SCLT1: variants seen among roughly 807,000 people sequenced by gnomAD.
SCLT1 encodes the protein sodium channel-associated protein 1.
A neutral mutation model predicts 112.8 loss-of-function variants in SCLT1; 78 were observed. That is an observed-to-expected ratio of 0.69 (90% CI 0.58 to 0.83). The LOEUF (loss-of-function observed/expected upper bound fraction) is 0.83. SCLT1 is among the 40% of genes least tolerant of loss of function. The pLI is 0.00. For synonymous variants in SCLT1, 257 were observed against 254.7 expected, an observed-to-expected ratio of 1.01 and a Z score of -0.09; for missense variants, 747 against 770.4, an observed-to-expected ratio of 0.97 and a Z score of 0.36.
intron 2 of SCLT1, among the ~76,000 whole-genome samples, chr4:129,063,694 A>C (rs1447779509): frequency 6.6e-6 from 1 of 152,192 alleles, no homozygotes; most frequent in Non-Finnish European, 1.5e-5. Context: ...TAGAGTCTGC[A>C]AAGTGGTTAG....
intron 8 of SCLT1, among the ~76,000 whole-genome samples, chr4:128,995,910 A>G (rs1742975285): frequency 6.6e-6 from 1 of 152,114 alleles, no homozygotes; most frequent in Admixed American, 6.5e-5. Context: ...TGAGAAGAGC[A>G]CAGGACCAAT....
chr4:129,040,944 C>A (rs977193453), intron 4 of SCLT1, among the ~76,000 whole-genome samples: 1 of 152,016 alleles, frequency 6.6e-6, no homozygotes. Flanking sequence ...AAGTGATCAA[C>A]CTTTGGCGGT....
chr4:129,055,834 A>C (rs79765529), intron 2 of SCLT1, among the ~76,000 whole-genome samples: 19 of 126,652 alleles, frequency 1.5e-4, no homozygotes, highest in African/African-American at 4.6e-4. Flanking sequence ...AAAAAAAACA[A>C]AAACAAACAA....
At chr4:129,080,936 G>A (rs1249409436) in intron 2 of SCLT1, among the ~76,000 whole-genome samples, 1 of 152,110 alleles carries the variant, frequency 6.6e-6, no homozygotes, top group Non-Finnish European at 1.5e-5. Context: ...ACACCCATGG[G>A]AAGCCATGGG....
chr4:128,930,797 C>T (rs181604511), intron 18 of SCLT1, among the ~76,000 whole-genome samples: 7 of 152,134 alleles, frequency 4.6e-5, no homozygotes, highest in Admixed American at 2.0e-4. Context: ...GGTAAATGTT[C>T]TATCGACAGT....
rs369565845 is a variant in SCLT1, at chr4:129,012,009, G to GT, written c.291-8134dup. ...TTCTGTGTTCTTTGATCTTCTGGAT[G>GT]TTTTTTTGTGTCTGAATCTCCCTCA... On this transcript the variant is annotated intron_variant, in intron 5 of 20. Transcript: ENST00000281142. Among the ~76,000 whole-genome samples, 70 of 152,134 alleles carry GT rather than the reference G, an allele frequency of 4.6e-4. 1 individual carries two copies. Among genetic ancestry groups the GT allele is most frequent in the African/African-American group, 1.6e-3 (67 of 41,482 alleles).
intron 10 of SCLT1, among the ~76,000 whole-genome samples, chr4:128,967,307 G>A (rs1328629068): frequency 6.6e-6 from 1 of 152,194 alleles, no homozygotes; most frequent in Non-Finnish European, 1.5e-5. Context: ...GAATAGTGCT[G>A]TGATGAACAT....
chr4:128,918,421 C>A (rs1339740893), intron 18 of SCLT1, among the ~76,000 whole-genome samples: 1 of 152,104 alleles, frequency 6.6e-6, no homozygotes, highest in Non-Finnish European at 1.5e-5. Context: ...TGCAATCAAC[C>A]AACCTGAGGA....
chr4:128,956,435 A>T (rs1739220043), intron 13 of SCLT1, among the ~76,000 whole-genome samples: 1 of 152,138 alleles, frequency 6.6e-6, no homozygotes, highest in African/African-American at 2.4e-5. Context: ...ATGACAAATT[A>T]AAAAGCCCAG....
chr4:129,010,416 A>G (rs1054046269), intron 5 of SCLT1, among the ~76,000 whole-genome samples: 4 of 152,182 alleles, frequency 2.6e-5, no homozygotes, highest in Admixed American at 1.3e-4. Flanking sequence ...TTCGTTCCAC[A>G]TGAATTTTAA....
chr4:128,884,502 G>A lies in SCLT1; in HGVS notation c.2042C>T (p.Ser681Phe). 6.2e-7 allele frequency: 1 copy of A among 1,604,408 alleles called. No individual in the cohort carries two copies. The highest frequency in any genetic ancestry group is 8.5e-7 in the Non-Finnish European group (1 of 1,172,230). The change falls in exon 21 of 21, where the codon TCC (serine) becomes TTC (phenylalanine). Residue 681 changes from serine (S) to phenylalanine (F), a missense_variant. Physicochemically the swap from Ser to Phe is radical, Grantham distance 155. Coordinates refer to ENST00000281142, the MANE Select transcript of SCLT1 (RefSeq NM_144643.4). ...TTAAATATTTTCCAGATTCATCAGG[G>A]AGGCTGCTTTTCTTCTCTGCACTGT... ...VITVQRRKAA[S>F]LMNLENI
intron 9 of SCLT1, among the ~76,000 whole-genome samples, chr4:128,978,716 T>C (rs1345646537): frequency 1.3e-5 from 2 of 151,900 alleles, no homozygotes; most frequent in African/African-American, 4.8e-5. Flanking sequence ...CATCAAAGAA[T>C]AGGAAGAAGA....
Position 128,997,860 on chromosome 4 carries a change from A to G in SCLT1, c.615+14T>C. 1 of 1,275,718 alleles carries G rather than the reference A, an allele frequency of 7.8e-7. No homozygotes were observed. Among genetic ancestry groups the G allele is most frequent in the South Asian group, 1.5e-5 (1 of 65,692 alleles). 79.0% of individuals were successfully genotyped at this position (1,275,718 alleles called of 1,614,324 possible). A position where few individuals can be genotyped will look rare whatever the true frequency, so the allele number is the denominator to read the frequency against. The stretch of plus-strand genomic sequence containing the variant: ...TAGGGACAATTTCTAGTTTATATAA[A>G]TAAGTATACTTACCACTTCCATGTT... On this transcript the variant is annotated intron_variant, in intron 8 of 20. Coordinates refer to ENST00000281142, the MANE Select transcript of SCLT1 (RefSeq NM_144643.4).
chr4:128,999,561 T>C (rs913484200), intron 7 of SCLT1, 111 bp downstream of exon 7: 1 of 617,250 alleles, frequency 1.6e-6, no homozygotes, highest in Non-Finnish European at 2.7e-6. Context: ...ATAAAGTGAT[T>C]AGAAATTCTA....
In SCLT1 at chr4:128,876,054, C is replaced by T. The variant is rs577709818; in HGVS notation, n.355+453G>A. 2.6e-5 allele frequency among the ~76,000 whole-genome samples: 4 copies of T among 152,238 alleles called. No homozygotes were observed. In the East Asian group the frequency reaches 5.8e-4, roughly 22 times the overall value. ...CCTGAAACAATCTTTTGTACATCCA[C>T]TACATGCAGAAATTAGCATATAGTG... On this transcript the variant is annotated intron_variant and non_coding_transcript_variant, in intron 4 of 7. Transcript: ENST00000503565.
chr4:128,961,982 T>C (rs1204486780), intron 11 of SCLT1, among the ~76,000 whole-genome samples: 2 of 152,228 alleles, frequency 1.3e-5, no homozygotes, highest in African/African-American at 4.8e-5. Context: ...TTTAGTCTTT[T>C]AATGAGAGTG....
At chr4:129,057,409 C>CTT (rs35098310) in intron 2 of SCLT1, among the ~76,000 whole-genome samples, 7 of 132,610 alleles carry the variant, frequency 5.3e-5, no homozygotes, top group African/African-American at 8.4e-5. Flanking sequence ...TAATATTATT[C>CTT]TTTTTTTTTT....
At chr4:129,007,788 T>C (rs2126097153) in intron 5 of SCLT1, among the ~76,000 whole-genome samples, 1 of 152,336 alleles carries the variant, frequency 6.6e-6, no homozygotes, top group East Asian at 1.9e-4. Flanking sequence ...TGTCTTGACT[T>C]TAAAAAAACA....
At chr4:129,046,958 T>C (rs1195152958) in intron 2 of SCLT1, among the ~76,000 whole-genome samples, 1 of 152,152 alleles carries the variant, frequency 6.6e-6, no homozygotes, top group African/African-American at 2.4e-5. Flanking sequence ...ATACCCTCTT[T>C]TGTGAAGTGA....
Sources: gnomAD v4.1 joint callset for allele counts (sites outside exome capture counted in the v4.1 genomes callset) on GRCh38, gnomAD v4.1.1 for gene constraint, MANE v1.5 for transcripts, NCBI Gene and HGNC (gene_info 2026-07-23, HGNC 2026-07-21) for gene names.